Variants in TRAF3IP2 observed in about 807,000 individuals in gnomAD.
The protein encoded by TRAF3IP2 is TRAF3 interacting protein 2, also known as E3 ubiquitin ligase TRAF3IP2.
A neutral mutation model predicts 57.9 loss-of-function variants in TRAF3IP2; 35 were observed. The ratio of observed to expected loss-of-function variants is 0.60; its 90% confidence interval spans 0.46 to 0.80. The LOEUF (loss-of-function observed/expected upper bound fraction) is 0.80, where lower values mean the gene tolerates loss of function less well. Ranked by LOEUF, TRAF3IP2 falls within the 30% of genes least tolerant of loss-of-function variation. The pLI is 0.00. For synonymous variants in TRAF3IP2, 251 were observed against 268.9 expected, an observed-to-expected ratio of 0.93 and a Z score of 0.65; for missense variants, 556 against 706.4, an observed-to-expected ratio of 0.79 and a Z score of 2.41.
At chr6:111,602,566 C>T (rs1168311821) in intron 1 of TRAF3IP2, among the ~76,000 whole-genome samples, 1 of 151,954 alleles carries the variant, frequency 6.6e-6, no homozygotes, top group Admixed American at 6.6e-5. Context: ...GTAGGAGAGA[C>T]ACTTATTTAC....
intron 1 of TRAF3IP2, chr6:111,601,607 T>C (rs1170939180): frequency 6.1e-6 from 1 of 164,058 alleles, no homozygotes; most frequent in Non-Finnish European, 1.3e-5. Flanking sequence ...TCCTCCATAA[T>C]CAGGCCTTGG....
In TRAF3IP2 at chr6:111,558,036, G is replaced by A. The variant is rs1327983397; in HGVS notation, c.*1369C>T. 2 of 151,952 alleles carry A rather than the reference G, an allele frequency of 1.3e-5. No homozygotes were observed. Among genetic ancestry groups the A allele is most frequent in the Admixed American group, 6.6e-5 (1 of 15,262 alleles). The allele number at this position is 151,952 out of a possible 1,614,324, so 9.4% of individuals were successfully genotyped here. A position where few individuals can be genotyped will look rare whatever the true frequency, so the allele number is the denominator to read the frequency against. ...CTCTGTCTCAAACAAAAAAAAAGAA[G>A]AAGAAAATGTCTCTGTTAAGAAAAT... is the stretch of plus-strand genomic sequence containing the variant. On this transcript the variant is annotated 3_prime_UTR_variant, in exon 9 of 9. Transcript: ENST00000368761.
intron 4 of TRAF3IP2, 56 bp downstream of exon 4, chr6:111,575,587 C>CAA (rs60481646): frequency 9.2e-4 from 1,260 of 1,367,844 alleles, no homozygotes; most frequent in Middle Eastern, 1.9e-3. Context: ...GACTCCGTCT[C>CAA]AAAAAAAAAA....
Position 111,577,045 on chromosome 6 carries a change from ATGAT to A in TRAF3IP2, c.1023-1228_1023-1225del, listed in dbSNP as rs575715535. 2.3e-3 allele frequency: 351 copies of A among 151,750 alleles called. 1 individual carries two copies. The highest frequency in any genetic ancestry group is 0.02 in the South Asian group (96 of 4,820). 9.4% of individuals were successfully genotyped at this position (151,750 alleles called of 1,614,324 possible). On this transcript the variant is annotated intron_variant, in intron 3 of 8. Coordinates refer to ENST00000368761, the MANE Select transcript of TRAF3IP2 (RefSeq NM_147686.4). ...ACTGTACTATATTTTGAAAATATGA[ATGAT>A]TAAGATTATTTTTTATATTTTTATT... is the stretch of plus-strand genomic sequence containing the variant.
chr6:111,580,304 T>C lies in TRAF3IP2; in HGVS notation c.915A>G (p.Arg305=). ...PGQPLPGASV[R]GLHPVQKVIL... is the part of the protein sequence containing the mutation. ...TAACCTTCTGCACAGGGTGCAGGCCTCTCACACTGGCTCCAGGCAGGGGCT... is the reference window on the plus strand; with the variant it reads ...TAACCTTCTGCACAGGGTGCAGGCCCCTCACACTGGCTCCAGGCAGGGGCT... The change falls in exon 3 of 9, where the codon AGA becomes AGG. Residue 305 remains arginine (R), a synonymous_variant. Transcript: ENST00000368761. 6.2e-7 allele frequency: 1 copy of C among 1,609,208 alleles called. No homozygotes were observed. The highest frequency in any genetic ancestry group is 8.5e-7 in the Non-Finnish European group (1 of 1,178,518).
chr6:111,559,083 T>C lies in TRAF3IP2; in HGVS notation c.*322A>G. 1 of 247,184 alleles carries C rather than the reference T, an allele frequency of 4.0e-6. No homozygotes were observed. The highest frequency in any genetic ancestry group is 5.0e-5 in the Admixed American group (1 of 19,882). The allele number at this position is 247,184 out of a possible 1,614,324, so 15.3% of individuals were successfully genotyped here. A position where few individuals can be genotyped will look rare whatever the true frequency, so the allele number is the denominator to read the frequency against. On this transcript the variant is annotated 3_prime_UTR_variant, in exon 9 of 9. Coordinates refer to ENST00000368761, the MANE Select transcript of TRAF3IP2 (RefSeq NM_147686.4). ...CATTTCCATTTGCTGCCACATCCCT[T>C]ACATTATCTACTTGCTAAGCACTGA...
intron 7 of TRAF3IP2, 130 bp downstream of exon 7, chr6:111,566,314 T>C: frequency 1.3e-6 from 1 of 748,882 alleles, no homozygotes; most frequent in Non-Finnish European, 2.3e-6. Context: ...TCTCCTGACA[T>C]GGCAAGCCTG....
rs770613327 is a variant in TRAF3IP2, at chr6:111,591,594, T to A, written c.493A>T (p.Asn165Tyr). The A allele has an allele frequency of 6.2e-7, 1 of 1,614,094 alleles. No individual in the cohort carries two copies. The highest frequency in any genetic ancestry group is 1.3e-5 in the African/African-American group (1 of 74,926). The change falls in exon 2 of 9, where the codon AAT becomes TAT. Residue 165 changes from asparagine to tyrosine, a missense_variant. Asn to Tyr is a moderately radical substitution (Grantham distance 143). Coordinates refer to ENST00000368761, the MANE Select transcript of TRAF3IP2 (RefSeq NM_147686.4). The surrounding 1 kb of genome is among the most constrained non-coding windows in gnomAD (Gnocchi z 4.9). The part of the protein sequence containing the change: ...DSDKSDQSLP[N>Y]ASADSLGGSQ... ...CCGCCCAAGGAGTCTGCTGAGGCAT[T>A]AGGTAAACTTTGGTCTGATTTGTCT... is the stretch of plus-strand genomic sequence containing the variant.
chr6:111,601,270 C>A, intron 1 of TRAF3IP2: 1 of 743,504 alleles, frequency 1.3e-6, no homozygotes, highest in South Asian at 1.4e-5. Context: ...TCTGCCATGG[C>A]TTTCCTTCAC....
At chr6:111,563,991 C>A (rs984923200) in intron 7 of TRAF3IP2, among the ~76,000 whole-genome samples, 3 of 152,142 alleles carry the variant, frequency 2.0e-5, no homozygotes, top group African/African-American at 7.2e-5. Context: ...GAGAAGGAGA[C>A]GAGGAATTAT....
intron 3 of TRAF3IP2, among the ~76,000 whole-genome samples, chr6:111,578,302 T>C (rs1248717679): frequency 6.6e-6 from 1 of 152,204 alleles, no homozygotes; most frequent in African/African-American, 2.4e-5. Flanking sequence ...AATCACATTT[T>C]ACCTAATTCC....
intron 1 of TRAF3IP2, chr6:111,601,448 G>C (rs1053134714): frequency 9.5e-6 from 4 of 421,408 alleles, no homozygotes; most frequent in African/African-American, 2.0e-5. Context: ...ATCTAGAGGG[G>C]AGCTATCTTC....
At chr6:111,596,763 AC>A (rs1796704913) in intron 1 of TRAF3IP2, among the ~76,000 whole-genome samples, 1 of 151,730 alleles carries the variant, frequency 6.6e-6, no homozygotes, top group Admixed American at 6.6e-5. Context: ...GGTGTGCCTG[AC>A]TTTTAAAATT....
intron 1 of TRAF3IP2, among the ~76,000 whole-genome samples, chr6:111,596,797 C>G (rs1233143046): frequency 1.3e-5 from 2 of 152,040 alleles, no homozygotes; most frequent in South Asian, 2.1e-4. Flanking sequence ...TGAGGTCTCA[C>G]TATGCTACCC....
At chr6:111,575,438 A>C (rs1330924375) in intron 4 of TRAF3IP2, among the ~76,000 whole-genome samples, 1 of 151,832 alleles carries the variant, frequency 6.6e-6, no homozygotes, top group Non-Finnish European at 1.5e-5. Context: ...AATACAAAAA[A>C]TTAGCTGGGT....
chr6:111,566,863 C>T (rs767126342), intron 6 of TRAF3IP2: 4 of 404,238 alleles, frequency 9.9e-6, no homozygotes, highest in Non-Finnish European at 1.9e-5. Context: ...GAGTCTGTGT[C>T]GTGGCAAAAA....
At chr6:111,584,424 G>C (rs539213563) in intron 2 of TRAF3IP2, among the ~76,000 whole-genome samples, 2 of 152,302 alleles carry the variant, frequency 1.3e-5, no homozygotes, top group African/African-American at 4.8e-5. Flanking sequence ...GGAAAACTGA[G>C]TATCAGTGGA....
intron 2 of TRAF3IP2, among the ~76,000 whole-genome samples, chr6:111,585,942 A>T (rs1355253573): frequency 6.6e-6 from 1 of 152,202 alleles, no homozygotes; most frequent in African/African-American, 2.4e-5. Context: ...ATGTAAACCA[A>T]ATCCTAAATG....
rs150944158 is a variant in TRAF3IP2 at position 111,581,772 on chromosome 6, G to A, written c.830-1383C>T. On this transcript the variant is annotated intron_variant, in intron 2 of 8. Coordinates refer to ENST00000368761, the MANE Select transcript of TRAF3IP2 (RefSeq NM_147686.4). ...GCAGACAGATCACCTGAGTTCAGGA[G>A]TTCGAGACCAGCCTGGCCAACATGG... Among the ~76,000 whole-genome samples the A allele has an allele frequency of 2.0e-3, 311 of 152,258 alleles. 2 individuals are homozygous for A. The highest frequency in any genetic ancestry group is 7.1e-3 in the African/African-American group (295 of 41,544).
Sources: allele counts gnomAD v4.1 joint callset (sites outside exome capture counted in the v4.1 genomes callset), GRCh38; gene constraint gnomAD v4.1.1; non-coding constraint Gnocchi (gnomAD v3.1); transcripts MANE v1.5; gene names NCBI Gene and HGNC (gene_info 2026-07-23, HGNC 2026-07-21).